BRINP2: variants seen among roughly 807,000 people sequenced by gnomAD.
BRINP2 encodes the protein BMP/retinoic acid inducible neural specific 2.
In BRINP2, 21 loss-of-function variants were observed where a neutral mutation model predicts 69.2. The ratio of observed to expected loss-of-function variants is 0.30; its 90% CI spans 0.22 to 0.44. The LOEUF is 0.44. BRINP2 is among the 20% of genes least tolerant of loss of function. BRINP2 has a pLI of 1.00. For synonymous variants in BRINP2, 380 were observed against 394.1 expected (o/e 0.96, Z 0.42); for missense variants, 877 against 986.0 (o/e 0.89, Z 1.48).
chr1:177,215,996 G>A (rs1040051387), intron 1 of BRINP2, among the ~76,000 whole-genome samples: 4 of 151,792 alleles, frequency 2.6e-5, no homozygotes, highest in Non-Finnish European at 4.4e-5. Flanking sequence ...TTTTTAGTAT[G>A]TGTGTGTCCT....
At chr1:177,245,345 G>A (rs573444417) in intron 2 of BRINP2, among the ~76,000 whole-genome samples, 2 of 152,078 alleles carry the variant, frequency 1.3e-5, no homozygotes, top group South Asian at 4.1e-4. Flanking sequence ...CTGTGTTGAA[G>A]GAACTAAAAC....
In BRINP2 at chr1:177,248,454, T is replaced by C. The variant is rs945905019; in HGVS notation, c.270-7465T>C. Among the ~76,000 whole-genome samples, 156 of 149,400 alleles carry C rather than the reference T, an allele frequency of 1.0e-3. 1 individual carries two copies. Among genetic ancestry groups the C allele is most frequent in the African/African-American group, 3.6e-3 (143 of 39,518 alleles). ...TACAGTTTGTGTGTGTGTGTGTGTG[T>C]GCGTGCGTGTGTGTGTGCGTGTGTG... is the stretch of plus-strand genomic sequence containing the variant. On this transcript the variant is annotated intron_variant, in intron 2 of 7. Coordinates refer to ENST00000361539, the MANE Select transcript of BRINP2 (RefSeq NM_021165.4).
chr1:177,246,449 C>T (rs887971923), intron 2 of BRINP2, among the ~76,000 whole-genome samples: 13 of 152,226 alleles, frequency 8.5e-5, no homozygotes, highest in Non-Finnish European at 1.5e-5. Flanking sequence ...TTTTCTCTCC[C>T]TTTCCCCCAA....
intron 1 of BRINP2, among the ~76,000 whole-genome samples, chr1:177,204,289 A>T (rs369755843): frequency 6.6e-6 from 1 of 152,084 alleles, no homozygotes; most frequent in African/African-American, 2.4e-5. Context: ...AGTTCAGGAG[A>T]GGGCCTAGGG....
At chr1:177,179,251 C>T (rs961094892) in intron 1 of BRINP2, among the ~76,000 whole-genome samples, 1 of 152,138 alleles carries the variant, frequency 6.6e-6, no homozygotes, top group African/African-American at 2.4e-5. Context: ...CAGGGAAAGT[C>T]TCTTAGAGAA....
Position 177,278,527 on chromosome 1 carries a change from T to G in BRINP2, c.1013-36T>G, listed in dbSNP as rs771528874. On this transcript the variant is annotated intron_variant, in intron 6 of 7. Transcript: ENST00000361539. ...TGCCCCTACCAGAGTTCTGCATAGC[T>G]ACCCGTCAGCTCAGGTCCTGTGTTC... 3 of 1,602,848 alleles carry G rather than the reference T, an allele frequency of 1.9e-6. No individual in the cohort carries two copies. The African/African-American group carries it at 4.0e-5, about 21-fold the overall frequency.
intron 2 of BRINP2, among the ~76,000 whole-genome samples, chr1:177,231,439 GT>G (rs543497243): frequency 2.6e-5 from 4 of 152,200 alleles, no homozygotes; most frequent in Non-Finnish European, 5.9e-5. Context: ...CAGAAGTATG[GT>G]TTTAAGAGTA....
intron 2 of BRINP2, among the ~76,000 whole-genome samples, chr1:177,251,348 G>T (rs1401898416): frequency 1.3e-5 from 2 of 152,154 alleles, no homozygotes; most frequent in African/African-American, 2.4e-5. Context: ...AATGTTCTGG[G>T]TAATAAAAAT....
At chr1:177,188,070 A>G (rs1648479178) in intron 1 of BRINP2, among the ~76,000 whole-genome samples, 1 of 152,212 alleles carries the variant, frequency 6.6e-6, no homozygotes, top group African/African-American at 2.4e-5. Context: ...GAAACAAGCT[A>G]TGCACAGTGA....
intron 7 of BRINP2, among the ~76,000 whole-genome samples, chr1:177,280,086 A>G (rs954734566): frequency 3.3e-5 from 5 of 152,194 alleles, no homozygotes; most frequent in Non-Finnish European, 7.3e-5. Context: ...AAGGCTGAAA[A>G]CAGATTTGAC....
At chr1:177,244,666 TACTC>T (rs543292077) in intron 2 of BRINP2, among the ~76,000 whole-genome samples, 165 of 152,002 alleles carry the variant, frequency 1.1e-3, no homozygotes, top group Non-Finnish European at 2.0e-3. Flanking sequence ...AATTTATTCT[TACTC>T]ATTCATGTGC....
At chr1:177,202,561 G>C (rs1193588137) in intron 1 of BRINP2, among the ~76,000 whole-genome samples, 1 of 152,114 alleles carries the variant, frequency 6.6e-6, no homozygotes, top group Non-Finnish European at 1.5e-5. Context: ...ACTGTGGTCT[G>C]AGAGACAGTT....
At chr1:177,223,627 T>C (rs560396252) in intron 1 of BRINP2, among the ~76,000 whole-genome samples, 2 of 152,368 alleles carry the variant, frequency 1.3e-5, no homozygotes, top group South Asian at 4.1e-4. Flanking sequence ...TCTTTGGCTC[T>C]CTTGGCCTCC....
At chr1:177,235,833 G>A (rs114643804) in intron 2 of BRINP2, among the ~76,000 whole-genome samples, 2,118 of 152,290 alleles carry the variant, frequency 0.014, 52 homozygotes, top group African/African-American at 0.048. Context: ...GGCTCCAGAA[G>A]GGAAGTTGTA....
chr1:177,274,000 A>T (rs1168685635), intron 5 of BRINP2, among the ~76,000 whole-genome samples: 4 of 152,248 alleles, frequency 2.6e-5, no homozygotes, highest in Non-Finnish European at 5.9e-5. Flanking sequence ...CAGAGTGGTT[A>T]GAAGACTACC....
chr1:177,185,562 CA>C (rs1435893972), intron 1 of BRINP2, among the ~76,000 whole-genome samples: 5 of 152,152 alleles, frequency 3.3e-5, no homozygotes, highest in Non-Finnish European at 7.4e-5. Context: ...TATTTATAAA[CA>C]AACGTAATCA....
chr1:177,186,542 C>T (rs868001749), intron 1 of BRINP2, among the ~76,000 whole-genome samples: 7 of 151,900 alleles, frequency 4.6e-5, no homozygotes, highest in Admixed American at 1.3e-4. Context: ...AGGGTGAGAT[C>T]GCTCCTTGTC....
intron 1 of BRINP2, among the ~76,000 whole-genome samples, chr1:177,179,088 C>G (rs1648171807): frequency 6.6e-6 from 1 of 152,160 alleles, no homozygotes; most frequent in Non-Finnish European, 1.5e-5. Flanking sequence ...ACTAGGGGAG[C>G]TGGCATTCTA....
intron 2 of BRINP2, among the ~76,000 whole-genome samples, chr1:177,241,701 G>A (rs930119361): frequency 3.9e-5 from 6 of 152,206 alleles, no homozygotes; most frequent in African/African-American, 1.4e-4. Flanking sequence ...ATTTTGTCAT[G>A]GATCAATATC....
Sources: allele counts gnomAD v4.1 joint callset (sites outside exome capture counted in the v4.1 genomes callset), GRCh38; gene constraint gnomAD v4.1.1; transcripts MANE v1.5; gene names NCBI Gene and HGNC (gene_info 2026-07-23, HGNC 2026-07-21).